YY1: variants seen among roughly 807,000 people sequenced by gnomAD.
The protein encoded by YY1 is YY1 transcription factor.
Under a neutral mutation model 35.6 loss-of-function variants are expected in YY1, and 2 were observed. The ratio of observed to expected loss-of-function variants is 0.06; its 90% CI spans 0.02 to 0.18. The LOEUF (loss-of-function observed/expected upper bound fraction) is 0.18, where lower values mean the gene tolerates loss of function less well. YY1 is among the 10% of genes least tolerant of loss of function. The pLI, the probability that YY1 is intolerant of heterozygous loss-of-function variation, is 1.00. For missense variants in YY1, 322 were observed against 573.4 expected (o/e 0.56, Z 4.48); for synonymous variants, 268 against 238.9 (o/e 1.12, Z -1.12).
At position 100,239,759 on chromosome 14, in the gene YY1, T is replaced by G; in HGVS notation, c.515T>G (p.Val172Gly). Residue 172 changes from valine (V) to glycine (G), a missense_variant, in exon 1 of 5, where the codon GTC (valine) becomes GGC (glycine). Coordinates refer to ENST00000262238, the MANE Select transcript of YY1 (RefSeq NM_003403.5). ...TCGTCGTCGTCGGGAGGCGGCCGCG[T>G]CAAGAAGGGCGGCGGCAAGAAGAGC... is the stretch of plus-strand genomic sequence containing the variant. ...GGSSSSGGGR[V>G]KKGGGKKSGK... 6.4e-7 allele frequency: 1 copy of G among 1,572,410 alleles called. No homozygotes were observed.
chr14:100,266,202 C>A (rs1891152846), intron 2 of YY1, among the ~76,000 whole-genome samples: 2 of 152,004 alleles, frequency 1.3e-5, no homozygotes, highest in South Asian at 4.1e-4. Context: ...ATGTGGGAAT[C>A]CTGGGAGATA....
At chr14:100,261,897 C>T (rs1032872941) in intron 1 of YY1, among the ~76,000 whole-genome samples, 2 of 152,114 alleles carry the variant, frequency 1.3e-5, no homozygotes, top group East Asian at 1.9e-4. Flanking sequence ...GCCTGTAATA[C>T]GAGGACTTTA....
intron 2 of YY1, among the ~76,000 whole-genome samples, chr14:100,271,497 A>G (rs1411207085): frequency 6.6e-6 from 1 of 152,186 alleles, no homozygotes; most frequent in East Asian, 1.9e-4. Flanking sequence ...GCTAACTGGT[A>G]TTACAGGTTG....
chr14:100,250,850 A>G (rs1890913943), intron 1 of YY1, among the ~76,000 whole-genome samples: 1 of 151,678 alleles, frequency 6.6e-6, no homozygotes, highest in Non-Finnish European at 1.5e-5. Flanking sequence ...TAAAAAAAAA[A>G]AAAAAAAGGC....
intron 1 of YY1, among the ~76,000 whole-genome samples, chr14:100,241,729 G>T (rs2011794): frequency 1.3e-5 from 2 of 152,006 alleles, no homozygotes; most frequent in African/African-American, 4.8e-5. Flanking sequence ...AATCCCAGCA[G>T]TTTGGGAGGC....
intron 1 of YY1, among the ~76,000 whole-genome samples, chr14:100,247,439 T>C (rs2139571516): frequency 6.6e-6 from 1 of 151,338 alleles, no homozygotes; most frequent in African/African-American, 2.4e-5. Context: ...GGGAGTACAG[T>C]GGCACAATCT....
At chr14:100,264,405 G>T (rs1323160003) in intron 2 of YY1, among the ~76,000 whole-genome samples, 1 of 152,060 alleles carries the variant, frequency 6.6e-6, no homozygotes. Context: ...TCGAACTCCT[G>T]ACCTAAAGTG....
intron 1 of YY1, among the ~76,000 whole-genome samples, chr14:100,249,546 T>C (rs1890890011): frequency 6.6e-6 from 1 of 152,056 alleles, no homozygotes; most frequent in Non-Finnish European, 1.5e-5. Context: ...GTATTGAACT[T>C]TGAATATTGA....
chr14:100,260,424 AATATAT>A (rs59427565), intron 1 of YY1, among the ~76,000 whole-genome samples: 1,530 of 141,142 alleles, frequency 0.011, 24 homozygotes, highest in African/African-American at 0.037. Flanking sequence ...TGAATATATG[AATATAT>A]ATATATATAT....
At chr14:100,254,940 AT>A (rs35165026) in intron 1 of YY1, among the ~76,000 whole-genome samples, 34 of 29,584 alleles carry the variant, frequency 1.1e-3, no homozygotes, top group African/African-American at 3.5e-3. Flanking sequence ...CGCCCAGCTA[AT>A]TTTTTTTTTT....
chr14:100,254,545 C>T (rs1313198181), intron 1 of YY1, among the ~76,000 whole-genome samples: 1 of 152,100 alleles, frequency 6.6e-6, no homozygotes, highest in Non-Finnish European at 1.5e-5. Flanking sequence ...GCAAACTCTA[C>T]CTCCCAGGTT....
At chr14:100,253,372 G>T (rs958522474) in intron 1 of YY1, among the ~76,000 whole-genome samples, 4 of 152,130 alleles carry the variant, frequency 2.6e-5, no homozygotes, top group Non-Finnish European at 5.9e-5. Context: ...ATTATGAAGG[G>T]AATAGTATTT....
chr14:100,274,662 T>G, intron 2 of YY1, 36 bp from the exon 3 acceptor site: 1 of 1,596,168 alleles, frequency 6.3e-7, no homozygotes. Flanking sequence ...TACCCACTCC[T>G]ACAAATCTGT....
At chr14:100,269,028 A>G (rs1305698911) in intron 2 of YY1, among the ~76,000 whole-genome samples, 1 of 152,202 alleles carries the variant, frequency 6.6e-6, no homozygotes, top group African/African-American at 2.4e-5. Context: ...AGAATGAGCT[A>G]TTATAAATCG....
intron 1 of YY1, among the ~76,000 whole-genome samples, chr14:100,243,370 A>G (rs560791618): frequency 6.6e-6 from 1 of 152,330 alleles, no homozygotes; most frequent in South Asian, 2.1e-4. Flanking sequence ...CTTAGTTTGG[A>G]ATGAACTGTG....
In YY1 at chr14:100,277,384, C is replaced by A; in HGVS notation, c.1063-34C>A. On this transcript the variant is annotated intron_variant, in intron 4 of 4. Coordinates refer to ENST00000262238, the MANE Select transcript of YY1 (RefSeq NM_003403.5). The surrounding 1 kb of genome is among the most constrained non-coding windows in gnomAD (Gnocchi z 5.6). ...GACTCCCAGGGTCTGGTCAGAGTTGCTGAGTGGGTTGATCTCTGGTCTTTC... is the reference window on the plus strand; with the variant it reads ...GACTCCCAGGGTCTGGTCAGAGTTGATGAGTGGGTTGATCTCTGGTCTTTC... 6.2e-7 allele frequency: 1 copy of A among 1,613,912 alleles called. No homozygotes were observed. The highest frequency in any genetic ancestry group is 1.7e-4 in the Middle Eastern group (1 of 6,038).
intron 1 of YY1, among the ~76,000 whole-genome samples, chr14:100,243,591 G>A (rs1386968272): frequency 6.6e-6 from 1 of 151,976 alleles, no homozygotes; most frequent in African/African-American, 2.4e-5. Flanking sequence ...CCAGGAGTTC[G>A]AGATGAACCT....
rs1473567920 is a variant in YY1 at position 100,246,871 on chromosome 14, C to G, written c.679+6948C>G. On this transcript the variant is annotated intron_variant, in intron 1 of 4. Coordinates refer to ENST00000262238, the MANE Select transcript of YY1 (RefSeq NM_003403.5). Reference sequence around the variant, plus strand: ...CAAAGTAATCACTTCACCCCCATGACCTACATAGGGTAGCCTAAGTCATAG... The same window carrying G: ...CAAAGTAATCACTTCACCCCCATGAGCTACATAGGGTAGCCTAAGTCATAG... Among the ~76,000 whole-genome samples the G allele has an allele frequency of 7.2e-5, 11 of 152,316 alleles. No homozygotes were observed. The East Asian group carries it at 1.9e-3, about 27-fold the overall frequency.
intron 1 of YY1, among the ~76,000 whole-genome samples, chr14:100,255,900 G>T (rs550591322): frequency 1.8e-4 from 27 of 152,210 alleles, no homozygotes; most frequent in African/African-American, 6.5e-4. Flanking sequence ...GAATTGTTCA[G>T]GTTTTGATTA....
Sources: gnomAD v4.1 joint callset for allele counts (sites outside exome capture counted in the v4.1 genomes callset) on GRCh38, gnomAD v4.1.1 for gene constraint, Gnocchi (gnomAD v3.1) non-coding constraint, MANE v1.5 for transcripts, NCBI Gene and HGNC (gene_info 2026-07-23, HGNC 2026-07-21) for gene names.